The following CNTN3 variants were observed in gnomAD, a reference collection of about 807,000 sequenced individuals.
The protein encoded by CNTN3 is contactin-3.
Under a neutral mutation model 119.1 loss-of-function variants are expected in CNTN3, and 60 were observed. The ratio of observed to expected loss-of-function variants is 0.50; its 90% CI spans 0.41 to 0.62. The LOEUF is 0.62. CNTN3 is among the 20% of genes least tolerant of loss of function. The probability of loss-of-function intolerance (pLI) is 0.00; values close to 1 mark genes in which losing one functional copy is unlikely to be tolerated. For missense variants in CNTN3, 1,101 were observed against 1,242.4 expected (o/e 0.89, Z 1.71); for synonymous variants, 450 against 438.7 (o/e 1.03, Z -0.32).
At chr3:74,346,018 C>G (rs1703679963) in intron 11 of CNTN3, among the ~76,000 whole-genome samples, 1 of 152,052 alleles carries the variant, frequency 6.6e-6, no homozygotes, top group Admixed American at 6.6e-5. Flanking sequence ...ATTTTTTCTC[C>G]TCAGTGTTCA....
chr3:74,420,119 G>A (rs1043440294), intron 5 of CNTN3, among the ~76,000 whole-genome samples: 1 of 152,160 alleles, frequency 6.6e-6, no homozygotes, highest in Non-Finnish European at 1.5e-5. Context: ...GCAATGACTG[G>A]GAGGTGGCAG....
At chr3:74,389,639 T>A (rs1233026228) in intron 5 of CNTN3, among the ~76,000 whole-genome samples, 2 of 152,130 alleles carry the variant, frequency 1.3e-5, no homozygotes, top group African/African-American at 4.8e-5. Flanking sequence ...GTAGTAGGTA[T>A]TATCCCCATT....
chr3:74,353,227 G>A (rs556784290), intron 11 of CNTN3, among the ~76,000 whole-genome samples: 2 of 152,186 alleles, frequency 1.3e-5, no homozygotes, highest in Non-Finnish European at 2.9e-5. Flanking sequence ...ATCAAAGCGA[G>A]GCTGTGGCCA....
chr3:74,508,736 C>T (rs1703310964), intron 2 of CNTN3, among the ~76,000 whole-genome samples: 1 of 152,130 alleles, frequency 6.6e-6, no homozygotes, highest in African/African-American at 2.4e-5. Flanking sequence ...ACATAAACTA[C>T]TACTATGTTC....
At chr3:74,397,483 G>A (rs1705084882) in intron 5 of CNTN3, among the ~76,000 whole-genome samples, 1 of 145,758 alleles carries the variant, frequency 6.9e-6, no homozygotes, top group Non-Finnish European at 1.5e-5. Context: ...TGTTCTATGT[G>A]TTCTGATTAC....
chr3:74,480,409 C>T (rs1702741801), intron 4 of CNTN3, among the ~76,000 whole-genome samples: 1 of 151,898 alleles, frequency 6.6e-6, no homozygotes, highest in South Asian at 2.1e-4. Context: ...AATAATGCAA[C>T]ATCATATTGC....
At chr3:74,457,118 T>C (rs2106963585) in intron 4 of CNTN3, among the ~76,000 whole-genome samples, 3 of 152,232 alleles carry the variant, frequency 2.0e-5, no homozygotes, top group South Asian at 4.1e-4. Context: ...TGGTCTATTT[T>C]GTTTTAATAT....
At chr3:74,316,005 T>C (rs1386719185) in intron 13 of CNTN3, among the ~76,000 whole-genome samples, 1 of 152,168 alleles carries the variant, frequency 6.6e-6, no homozygotes, top group African/African-American at 2.4e-5. Flanking sequence ...AAGTGGGACC[T>C]AATTAAACTA....
At chr3:74,560,170 C>T (rs974830470) in intron 1 of CNTN3, among the ~76,000 whole-genome samples, 5 of 152,168 alleles carry the variant, frequency 3.3e-5, no homozygotes, top group African/African-American at 1.2e-4. Flanking sequence ...CACATCATCA[C>T]ACTCTTTAAT....
intron 5 of CNTN3, among the ~76,000 whole-genome samples, chr3:74,376,321 G>A (rs1704474802): frequency 6.6e-6 from 1 of 152,122 alleles, no homozygotes; most frequent in African/African-American, 2.4e-5. Flanking sequence ...GGTGAGCAGT[G>A]AGCAAGCAAG....
chr3:74,532,010 G>GA (rs1047298265), intron 1 of CNTN3, among the ~76,000 whole-genome samples: 9 of 151,702 alleles, frequency 5.9e-5, no homozygotes, highest in Admixed American at 2.0e-4. Flanking sequence ...TAAAGAAACA[G>GA]AAAAAACAGG....
chr3:74,484,050 A>G (rs1369156696), intron 4 of CNTN3, among the ~76,000 whole-genome samples: 1 of 152,148 alleles, frequency 6.6e-6, no homozygotes, highest in Admixed American at 6.6e-5. Context: ...GAAATTAAGA[A>G]TCCATAGTAG....
chr3:74,534,696 TTG>T (rs1229349926), intron 1 of CNTN3, among the ~76,000 whole-genome samples: 1 of 152,050 alleles, frequency 6.6e-6, no homozygotes, highest in East Asian at 1.9e-4. Context: ...CTAAAATAAC[TTG>T]TGTTTCTTAC....
chr3:74,319,341 G>A (rs1255964296), intron 13 of CNTN3, among the ~76,000 whole-genome samples: 1 of 152,112 alleles, frequency 6.6e-6, no homozygotes, highest in Non-Finnish European at 1.5e-5. Flanking sequence ...GAATAGAACA[G>A]AGCCCTCAGA....
chr3:74,380,728 C>G (rs1704594990), intron 5 of CNTN3, among the ~76,000 whole-genome samples: 1 of 152,108 alleles, frequency 6.6e-6, no homozygotes, highest in African/African-American at 2.4e-5. Context: ...ACAAAAGAAC[C>G]ATACAGACAG....
chr3:74,266,756 A>G (rs1701669263), intron 21 of CNTN3, 107 bp from the exon 22 acceptor site: 1 of 917,394 alleles, frequency 1.1e-6, no homozygotes, highest in Non-Finnish European at 1.7e-6. Context: ...TATATCCACT[A>G]GAATGTAAGT....
chr3:74,371,688 A>C (rs1210656042), intron 5 of CNTN3, among the ~76,000 whole-genome samples: 1 of 152,108 alleles, frequency 6.6e-6, no homozygotes, highest in Non-Finnish European at 1.5e-5. Context: ...GTTTTAGTTC[A>C]TATCTCCATC....
Position 74,470,267 on chromosome 3 carries a change from G to A in CNTN3, c.358+16189C>T, listed in dbSNP as rs113963830. Among the ~76,000 whole-genome samples the A allele has an allele frequency of 9.4e-3, 1,430 of 152,198 alleles. 19 individuals are homozygous for A. The highest frequency in any genetic ancestry group is 0.032 in the African/African-American group (1,339 of 41,522). ...CTCTCTAAAATTAATGGTGGTGATG[G>A]CTGCACAACTCTGTGAATATACTAG... is the stretch of plus-strand genomic sequence containing the variant. On this transcript the variant is annotated intron_variant, in intron 4 of 22. Transcript: ENST00000263665.
At chr3:74,491,406 G>A (rs1325079199) in intron 3 of CNTN3, among the ~76,000 whole-genome samples, 2 of 152,074 alleles carry the variant, frequency 1.3e-5, no homozygotes, top group Non-Finnish European at 2.9e-5. Flanking sequence ...GGGAGACTAA[G>A]GTGAGAGGGC....
Sources: allele counts gnomAD v4.1 joint callset (sites outside exome capture counted in the v4.1 genomes callset), GRCh38; gene constraint gnomAD v4.1.1; transcripts MANE v1.5; gene names NCBI Gene and HGNC (gene_info 2026-07-23, HGNC 2026-07-21).